KCNJ12: variants seen among roughly 807,000 people sequenced by gnomAD.
KCNJ12 encodes the protein potassium inwardly rectifying channel subfamily J member 12, also known as ATP-sensitive inward rectifier potassium channel 12.
Under a neutral mutation model 22.3 loss-of-function variants are expected in KCNJ12, and 2 were observed. The ratio of observed to expected loss-of-function variants is 0.09; its 90% CI spans 0.04 to 0.28. KCNJ12 has a LOEUF of 0.28. Ranked by LOEUF, KCNJ12 falls within the 10% of genes least tolerant of loss-of-function variation. KCNJ12 has a pLI of 1.00. For synonymous variants in KCNJ12, 117 were observed against 261.4 expected, an observed-to-expected ratio of 0.45 and a Z score of 5.33; for missense variants, 155 against 633.3, an observed-to-expected ratio of 0.24 and a Z score of 8.11.
intron 1 of KCNJ12, among the ~76,000 whole-genome samples, chr17:21,398,879 C>G (rs1905473933): frequency 6.6e-6 from 1 of 152,222 alleles, no homozygotes; most frequent in South Asian, 2.1e-4. Context: ...GTATGCTGGA[C>G]CTGTTCTGGG....
In KCNJ12 at chr17:21,419,324, G is replaced by GTGTA. The variant is rs1414977605; in HGVS notation, c.*2683_*2684insATGT. On this transcript the variant is annotated 3_prime_UTR_variant, in exon 3 of 3. Coordinates refer to ENST00000583088, the MANE Select transcript of KCNJ12 (RefSeq NM_021012.5). ...TGTGTGTGTGTGTGTGTGTGTGTGT[G>GTGTA]TGTGTATGCAGGCGGTTATGTGTCT... 4 of 166,296 alleles carry GTGTA rather than the reference G, an allele frequency of 2.4e-5. No homozygotes were observed. The highest frequency in any genetic ancestry group is 9.9e-5 in the African/African-American group (4 of 40,598). The allele number at this position is 166,296 out of a possible 1,614,324, so 10.3% of individuals were successfully genotyped here. A position where few individuals can be genotyped will look rare whatever the true frequency, so the allele number is the denominator to read the frequency against.
chr17:21,379,296 G>A lies in KCNJ12; in HGVS notation c.-179+2383G>A, dbSNP rs78880625. Among the ~76,000 whole-genome samples, 810 of 152,330 alleles carry A rather than the reference G, an allele frequency of 5.3e-3. 5 individuals are homozygous for A. The highest frequency in any genetic ancestry group is 0.017 in the African/African-American group (722 of 41,566). ...CCCGGAGGCCTTGGCATATGGCTGG[G>A]GCGGAAGTGAGTGCATCATTACTGT... On this transcript the variant is annotated intron_variant, in intron 1 of 2. Transcript: ENST00000583088.
At chr17:21,415,092 GCT>G (rs1906618837) in intron 2 of KCNJ12, among the ~76,000 whole-genome samples, 193 bp from the exon 3 acceptor site, 4 of 152,270 alleles carry the variant, frequency 2.6e-5, no homozygotes, top group African/African-American at 9.6e-5. Flanking sequence ...TTTGGCTGGA[GCT>G]GCTGGGGGCC....
At chr17:21,388,654 A>G (rs1905134304) in intron 1 of KCNJ12, among the ~76,000 whole-genome samples, 1 of 152,210 alleles carries the variant, frequency 6.6e-6, no homozygotes, top group African/African-American at 2.4e-5. Context: ...GCACCCCAAA[A>G]CAATAATGAA....
intron 1 of KCNJ12, among the ~76,000 whole-genome samples, chr17:21,399,005 C>A (rs1047206459): frequency 6.6e-6 from 1 of 152,186 alleles, no homozygotes; most frequent in Non-Finnish European, 1.5e-5. Context: ...AGGGGTGGAG[C>A]CCTGGCAGGA....
chr17:21,393,194 C>T (rs1905252216), intron 1 of KCNJ12, among the ~76,000 whole-genome samples: 1 of 152,272 alleles, frequency 6.6e-6, no homozygotes. Context: ...GCTGCCTCAT[C>T]GCTTTCTGTG....
intron 1 of KCNJ12, among the ~76,000 whole-genome samples, chr17:21,389,805 G>A (rs1905165276): frequency 6.6e-6 from 1 of 152,056 alleles, no homozygotes; most frequent in African/African-American, 2.4e-5. Flanking sequence ...ACCATCCCTG[G>A]GCCCCAGGCA....
chr17:21,387,143 G>A (rs558962938), intron 1 of KCNJ12, among the ~76,000 whole-genome samples: 3 of 150,564 alleles, frequency 2.0e-5, no homozygotes, highest in South Asian at 2.1e-4. Flanking sequence ...GTGACAGAGC[G>A]AGACTCCGTC....
At chr17:21,384,667 ACCT>A (rs1468723704) in intron 1 of KCNJ12, among the ~76,000 whole-genome samples, 2 of 147,528 alleles carry the variant, frequency 1.4e-5, no homozygotes, top group Non-Finnish European at 3.0e-5. Context: ...CTTAGCCCTG[ACCT>A]CCTAGAAACA....
chr17:21,412,166 A>G (rs1359771775), intron 2 of KCNJ12, among the ~76,000 whole-genome samples: 1 of 152,288 alleles, frequency 6.6e-6, no homozygotes, highest in Non-Finnish European at 1.5e-5. Context: ...GGCTCTGAGA[A>G]ATGAGGGAGT....
At chr17:21,393,805 G>A (rs1043610612) in intron 1 of KCNJ12, among the ~76,000 whole-genome samples, 6 of 152,180 alleles carry the variant, frequency 3.9e-5, no homozygotes, top group Non-Finnish European at 4.4e-5. Flanking sequence ...TTCACCGCCC[G>A]CCTCCACCCT....
chr17:21,381,136 G>A (rs1223728073), intron 1 of KCNJ12, among the ~76,000 whole-genome samples: 4 of 152,126 alleles, frequency 2.6e-5, no homozygotes, highest in Non-Finnish European at 4.4e-5. Flanking sequence ...GCTGTCCTAG[G>A]GTCAGTGGGC....
intron 1 of KCNJ12, among the ~76,000 whole-genome samples, chr17:21,394,210 G>T (rs1482087062): frequency 6.6e-6 from 1 of 152,168 alleles, no homozygotes; most frequent in African/African-American, 2.4e-5. Context: ...CTATACAGGT[G>T]TACCACTTTT....
chr17:21,385,700 C>T (rs1038945809), intron 1 of KCNJ12, among the ~76,000 whole-genome samples: 1 of 152,212 alleles, frequency 6.6e-6, no homozygotes, highest in Admixed American at 6.5e-5. Context: ...CCAGCACAGC[C>T]TCCAGGCCAC....
intron 2 of KCNJ12, among the ~76,000 whole-genome samples, chr17:21,412,689 C>G (rs1555561839): frequency 6.6e-6 from 1 of 152,310 alleles, no homozygotes; most frequent in Non-Finnish European, 1.5e-5. Context: ...GTCCACCATT[C>G]CGGCCCTGCG....
intron 2 of KCNJ12, among the ~76,000 whole-genome samples, chr17:21,411,212 C>T (rs1906324079): frequency 6.6e-6 from 1 of 152,302 alleles, no homozygotes; most frequent in South Asian, 2.1e-4. Flanking sequence ...CATCCGGAAG[C>T]ACCTCCCGGT....
intron 1 of KCNJ12, among the ~76,000 whole-genome samples, chr17:21,378,198 T>C (rs556247485): frequency 6.6e-6 from 1 of 152,222 alleles, no homozygotes; most frequent in Non-Finnish European, 1.5e-5. Context: ...TCCCTCGCGC[T>C]GCGCTGCACC....
chr17:21,383,791 G>C (rs572503900), intron 1 of KCNJ12, among the ~76,000 whole-genome samples: 2 of 152,354 alleles, frequency 1.3e-5, no homozygotes, highest in South Asian at 4.1e-4. Context: ...TCAGCAGGTG[G>C]CTGGGGATGT....
rs192008878 is a variant in KCNJ12 at position 21,395,375 on chromosome 17, A to C, written c.-178-13144A>C. On this transcript the variant is annotated intron_variant, in intron 1 of 2. Coordinates refer to ENST00000583088, the MANE Select transcript of KCNJ12 (RefSeq NM_021012.5). ...TTTGGGAGGCCAAAGCAGGTGGATC[A>C]CTCGAGGCCAGGAGTTCGAGAGCAA... Among the ~76,000 whole-genome samples, 412 of 151,302 alleles carry C rather than the reference A, an allele frequency of 2.7e-3. 4 individuals carry two copies. Among genetic ancestry groups the C allele is most frequent in the African/African-American group, 9.5e-3 (391 of 41,190 alleles).
Sources: allele counts gnomAD v4.1 joint callset (sites outside exome capture counted in the v4.1 genomes callset), GRCh38; gene constraint gnomAD v4.1.1; transcripts MANE v1.5; gene names NCBI Gene and HGNC (gene_info 2026-07-23, HGNC 2026-07-21).